MACF1: variants seen among roughly 807,000 people sequenced by gnomAD.
MACF1 encodes the protein microtubule actin crosslinking factor 1.
Under a neutral mutation model 854.8 loss-of-function variants are expected in MACF1, and 193 were observed. The observed-to-expected ratio is 0.23, with a 90% CI of 0.20 to 0.25. The LOEUF (loss-of-function observed/expected upper bound fraction) is 0.25. Among genes scored for constraint, MACF1 ranks in the 10% least tolerant of loss-of-function variants. The pLI is 1.00. For missense variants in MACF1, 7,722 were observed against 8,929.1 expected (o/e 0.86, Z 5.45); for synonymous variants, 3,185 against 3,226.7 (o/e 0.99, Z 0.44).
chr1:39,348,436 G>A (rs907165264), intron 41 of MACF1, among the ~76,000 whole-genome samples: 1 of 152,190 alleles, frequency 6.6e-6, no homozygotes, highest in Non-Finnish European at 1.5e-5. Flanking sequence ...GTTATTGTCA[G>A]AAATGCTCTG....
intron 1 of MACF1, among the ~76,000 whole-genome samples, chr1:39,208,288 T>C (rs570922770): frequency 6.6e-6 from 1 of 152,182 alleles, no homozygotes; most frequent in African/African-American, 2.4e-5. Context: ...TAATGGATGC[T>C]TGTCCTTTAG....
chr1:39,218,579 A>T (rs959242802), intron 1 of MACF1, among the ~76,000 whole-genome samples: 8 of 152,044 alleles, frequency 5.3e-5, no homozygotes, highest in Non-Finnish European at 8.8e-5. Flanking sequence ...ATTCCCGTGA[A>T]TTCTCTAAGA....
chr1:39,140,194 A>C (rs1643307758), intron 2 of MACF1, among the ~76,000 whole-genome samples: 1 of 152,118 alleles, frequency 6.6e-6, no homozygotes, highest in Non-Finnish European at 1.5e-5. Context: ...ACCTGAAATG[A>C]TCCTTCTGCG....
chr1:39,164,996 A>C (rs577225204), intron 2 of MACF1, among the ~76,000 whole-genome samples: 3 of 152,286 alleles, frequency 2.0e-5, no homozygotes, highest in African/African-American at 7.2e-5. Flanking sequence ...TCTGACTTGG[A>C]GTGGACATCC....
intron 47 of MACF1, among the ~76,000 whole-genome samples, chr1:39,360,419 G>A (rs1031697287): frequency 3.3e-5 from 5 of 151,814 alleles, no homozygotes; most frequent in Non-Finnish European, 7.4e-5. Context: ...TCAGCATCTA[G>A]TACAATTTCT....
chr1:39,269,884 G>T (rs1157151624), intron 6 of MACF1, among the ~76,000 whole-genome samples: 1 of 152,204 alleles, frequency 6.6e-6, no homozygotes, highest in Non-Finnish European at 1.5e-5. Flanking sequence ...TCTATTTCAG[G>T]TCTGCCCCTT....
Position 39,429,929 on chromosome 1 carries a change from C to A in MACF1, c.16991C>A (p.Ala5664Asp). The A allele has an allele frequency of 6.2e-7, 1 of 1,614,098 alleles. No individual in the cohort carries two copies. The highest frequency in any genetic ancestry group is 8.5e-7 in the Non-Finnish European group (1 of 1,180,018). ...SSKALRTLEQ[A>D]RQLATKFQST... ...AAGGCCCTCAGAACTTTAGAGCAAGCCCGGCAGCTGGCCACCAAGTTCCAG... is the reference window on the plus strand; with the variant it reads ...AAGGCCCTCAGAACTTTAGAGCAAGACCGGCAGCTGGCCACCAAGTTCCAG... The change falls in exon 65 of 101, where the codon GCC becomes GAC. Residue 5664 changes from alanine (A) to aspartate (D), a missense_variant. This residue lies in a region of MACF1 where 2,807 missense variants were observed against 3,235.8 expected (regional missense o/e 0.87). Coordinates refer to ENST00000564288, the MANE Select transcript of MACF1 (RefSeq NM_001394062.1).
At position 39,350,301 on chromosome 1, in the gene MACF1, C is replaced by T. The variant is rs112534398; in HGVS notation, c.10966-484C>T. Among the ~76,000 whole-genome samples, 788 of 152,236 alleles carry T rather than the reference C, an allele frequency of 5.2e-3. 6 individuals are homozygous for T. The highest frequency in any genetic ancestry group is 0.018 in the African/African-American group (728 of 41,544). ...GAGGTGGGTATGGTATTGAGCACAA[C>T]ATATTCAAGAACCGAAAGAAAGCTA... On this transcript the variant is annotated intron_variant, in intron 42 of 100. Transcript: ENST00000564288.
intron 2 of MACF1, among the ~76,000 whole-genome samples, chr1:39,175,037 C>T (rs182912581): frequency 1.7e-4 from 26 of 152,282 alleles, no homozygotes; most frequent in Non-Finnish European, 1.3e-4. Flanking sequence ...GGAAGTGGCA[C>T]AGAAATTTAG....
chr1:39,292,839 TG>T lies in MACF1; in HGVS notation c.1989del (p.Lys664ArgfsTer8). On this transcript the variant is annotated frameshift_variant, in exon 17 of 101. Coordinates refer to ENST00000564288, the MANE Select transcript of MACF1 (RefSeq NM_001394062.1). LOFTEE classifies it high-confidence loss of function. The stretch of plus-strand genomic sequence containing the variant: ...AAGCTGGAGACACAGTATTGTAAAT[TG>T]AAGGTGAGTTTCTGCCGATTCTCTT... The part of the protein sequence containing the change: ...LGKLETQYCK[L>X]KETSSFRMRH... The T allele has an allele frequency of 6.2e-7, 1 of 1,611,936 alleles. No individual in the cohort carries two copies. Among genetic ancestry groups the T allele is most frequent in the Non-Finnish European group, 8.5e-7 (1 of 1,179,126 alleles).
At chr1:39,317,500 G>A in intron 29 of MACF1, 93 bp downstream of exon 29, 1 of 1,358,070 alleles carries the variant, frequency 7.4e-7, no homozygotes, top group Non-Finnish European at 1.0e-6. Flanking sequence ...ATATTTAAAG[G>A]TGGAAATGGA....
At chr1:39,467,929 A>G (rs1242412920) in intron 95 of MACF1, 2 of 152,242 alleles carry the variant, frequency 1.3e-5, no homozygotes, top group Non-Finnish European at 2.9e-5. Flanking sequence ...GTTGATATCC[A>G]CAATCTTTCT....
intron 2 of MACF1, among the ~76,000 whole-genome samples, chr1:39,241,159 A>G (rs923157320): frequency 1.3e-5 from 2 of 151,544 alleles, no homozygotes; most frequent in Non-Finnish European, 2.9e-5. Flanking sequence ...TCAGAAATCT[A>G]TCTGAAATTA....
intron 97 of MACF1, among the ~76,000 whole-genome samples, chr1:39,470,123 A>C (rs1644748535): frequency 6.6e-6 from 1 of 152,220 alleles, no homozygotes; most frequent in Non-Finnish European, 1.5e-5. Context: ...CATAATTATT[A>C]AGGTTTATTT....
chr1:39,427,966 G>A lies in MACF1; in HGVS notation c.16482G>A (p.Leu5494=), dbSNP rs41307884. Residue 5494 remains leucine (L), a synonymous_variant, in exon 63 of 101, where the codon CTG becomes CTA. Coordinates refer to ENST00000564288, the MANE Select transcript of MACF1 (RefSeq NM_001394062.1). ...IQQQIIRHKA[L]EEDIENHATD... ...TTTTCCATCTGGATTTCCAGGCTCT[G>A]GAAGAAGACATAGAAAACCATGCAA... 1.1e-3 allele frequency: 1,753 copies of A among 1,603,360 alleles called. 11 individuals carry two copies. Among genetic ancestry groups the A allele is most frequent in the Middle Eastern group, 3.0e-3 (18 of 6,016 alleles).
intron 97 of MACF1, among the ~76,000 whole-genome samples, chr1:39,475,179 G>A (rs1353291554): frequency 2.0e-5 from 3 of 152,172 alleles, no homozygotes; most frequent in Admixed American, 6.5e-5. Context: ...GGGAAATATA[G>A]AGGACCAAAC....
At chr1:39,478,071 C>T (rs996422552) in intron 97 of MACF1, among the ~76,000 whole-genome samples, 1 of 140,236 alleles carries the variant, frequency 7.1e-6, no homozygotes, top group Admixed American at 7.7e-5. Flanking sequence ...GGCACGATCT[C>T]GGCTCACTGC....
chr1:39,422,265 T>C, intron 58 of MACF1, 109 bp from the exon 59 acceptor site: 1 of 790,266 alleles, frequency 1.3e-6, no homozygotes, highest in Non-Finnish European at 2.0e-6. Flanking sequence ...TTTTTATTCC[T>C]GGTCGTCTTT....
At chr1:39,137,419 G>A (rs1643205876) in intron 2 of MACF1, among the ~76,000 whole-genome samples, 1 of 152,226 alleles carries the variant, frequency 6.6e-6, no homozygotes, top group Non-Finnish European at 1.5e-5. Context: ...ACAGAGTGGA[G>A]TGCAGTGGCA....
Sources: gnomAD v4.1 joint callset for allele counts (sites outside exome capture counted in the v4.1 genomes callset) on GRCh38, gnomAD v4.1.1 for gene constraint, gnomAD v4.1.1 regional missense constraint, MANE v1.5 for transcripts, NCBI Gene and HGNC (gene_info 2026-07-23, HGNC 2026-07-21) for gene names.